PBRM1: variants seen among roughly 807,000 people sequenced by gnomAD.
PBRM1 encodes protein polybromo-1.
In PBRM1, 27 loss-of-function variants were observed where a neutral mutation model predicts 194.5. The ratio of observed to expected loss-of-function variants is 0.14; its 90% CI spans 0.10 to 0.19. The LOEUF (loss-of-function observed/expected upper bound fraction) is 0.19. Ranked by LOEUF, PBRM1 falls within the 10% of genes least tolerant of loss-of-function variation. PBRM1 has a pLI of 1.00. For missense variants in PBRM1, 1,466 were observed against 2,077.2 expected, an observed-to-expected ratio of 0.71 and a Z score of 5.72; for synonymous variants, 655 against 693.2, an observed-to-expected ratio of 0.94 and a Z score of 0.87.
At chr3:52,594,597 T>G (rs1217334817) in intron 17 of PBRM1, among the ~76,000 whole-genome samples, 1 of 152,224 alleles carries the variant, frequency 6.6e-6, no homozygotes, top group Non-Finnish European at 1.5e-5. Flanking sequence ...TCAAGGTCAG[T>G]ATTGATATGT....
At chr3:52,668,693 A>C (rs1217570974) in intron 2 of PBRM1, 48 bp from the exon 4 acceptor site, 1 of 1,193,438 alleles carries the variant, frequency 8.4e-7, no homozygotes, top group South Asian at 1.6e-5. Context: ...GAAGCTTACA[A>C]AAAGTTTTAT....
intron 22 of PBRM1, among the ~76,000 whole-genome samples, chr3:52,565,277 G>C (rs1224541456): frequency 6.6e-6 from 1 of 151,992 alleles, no homozygotes; most frequent in Non-Finnish European, 1.5e-5. Flanking sequence ...AGGCCGAGGA[G>C]GGTGGATCAC....
At chr3:52,588,371 A>C (rs2092659472) in intron 18 of PBRM1, among the ~76,000 whole-genome samples, 1 of 152,126 alleles carries the variant, frequency 6.6e-6, no homozygotes, top group Non-Finnish European at 1.5e-5. Context: ...ATGTCATTCT[A>C]TAATAATTTC....
intron 22 of PBRM1, among the ~76,000 whole-genome samples, chr3:52,568,708 C>T (rs140660319): frequency 3.9e-5 from 6 of 152,258 alleles, no homozygotes; most frequent in Admixed American, 1.3e-4. Context: ...GAGAAAAATA[C>T]TTCTTTCCCC....
intron 22 of PBRM1, among the ~76,000 whole-genome samples, chr3:52,574,650 G>A (rs754092790): frequency 6.6e-6 from 1 of 152,162 alleles, no homozygotes; most frequent in South Asian, 2.1e-4. Flanking sequence ...AAGGACCTAA[G>A]AAGGCCCTAA....
intron 7 of PBRM1, 40 bp from the exon 9 acceptor site, chr3:52,644,829 T>A (rs2096242489): frequency 1.0e-6 from 1 of 990,990 alleles, no homozygotes; most frequent in Non-Finnish European, 1.6e-6. Flanking sequence ...AAGGAACAGA[T>A]AAAAGGACAG....
intron 4 of PBRM1, among the ~76,000 whole-genome samples, chr3:52,660,701 T>C (rs528722337): frequency 1.3e-5 from 2 of 152,040 alleles, no homozygotes; most frequent in South Asian, 4.2e-4. Flanking sequence ...TTAGTAGAAA[T>C]GGGGTTTCAC....
chr3:52,681,791 A>C, upstream of PBRM1: 1 of 844,650 alleles, frequency 1.2e-6, no homozygotes, highest in South Asian at 5.6e-5. Flanking sequence ...GGGCTTTAGA[A>C]GTGCTGATTC....
intron 13 of PBRM1, among the ~76,000 whole-genome samples, chr3:52,625,200 A>C (rs564326342): frequency 6.6e-6 from 1 of 152,322 alleles, no homozygotes; most frequent in South Asian, 2.1e-4. Context: ...CATACACAGC[A>C]CTTAGAAGTC....
At position 52,587,345 on chromosome 3, in the gene PBRM1, T is replaced by C; in HGVS notation, c.3123+8A>G. 1.3e-6 allele frequency: 2 copies of C among 1,593,726 alleles called. No homozygotes were observed. The highest frequency in any genetic ancestry group is 1.7e-6 in the Non-Finnish European group (2 of 1,164,360). ...GAGTGAGACTTTGGGATTTAATGAG[T>C]TTCTTACCTTGACAAACATGACCAC... On this transcript the variant is annotated splice_region_variant and intron_variant, in intron 19 of 29. Transcript: ENST00000296302.
At chr3:52,550,885 A>G (rs2080812710) in intron 27 of PBRM1, 68 bp from the exon 30 acceptor site, 1 of 987,164 alleles carries the variant, frequency 1.0e-6, no homozygotes, top group South Asian at 1.4e-5. Context: ...CTACTGTCTG[A>G]TAAGAAATGA....
intron 4 of PBRM1, among the ~76,000 whole-genome samples, chr3:52,658,865 C>A (rs1036467992): frequency 6.6e-6 from 1 of 152,160 alleles, no homozygotes; most frequent in African/African-American, 2.4e-5. Flanking sequence ...TTCTACTGAA[C>A]CTTTTTCTAC....
intron 26 of PBRM1, among the ~76,000 whole-genome samples, chr3:52,555,535 G>C (rs1184269444): frequency 6.6e-6 from 1 of 152,132 alleles, no homozygotes; most frequent in Non-Finnish European, 1.5e-5. Context: ...ATGTGATAAA[G>C]ATAAAACCTA....
intron 7 of PBRM1, among the ~76,000 whole-genome samples, chr3:52,647,005 CATG>C (rs2096312183): frequency 6.6e-6 from 1 of 152,062 alleles, no homozygotes; most frequent in African/African-American, 2.4e-5. Flanking sequence ...AAACCATTTA[CATG>C]ATAAGGGTAT....
intron 2 of PBRM1, among the ~76,000 whole-genome samples, chr3:52,675,734 T>A (rs975133819): frequency 2.0e-5 from 3 of 152,098 alleles, no homozygotes; most frequent in Non-Finnish European, 2.9e-5. Flanking sequence ...GTCAAGCAAA[T>A]TTTGACAAAG....
At chr3:52,589,678 AAT>A (rs2092820540) in intron 17 of PBRM1, among the ~76,000 whole-genome samples, 1 of 152,194 alleles carries the variant, frequency 6.6e-6, no homozygotes, top group Non-Finnish European at 1.5e-5. Flanking sequence ...TTATTACACG[AAT>A]ATGACACATT....
In PBRM1 at chr3:52,609,192, G is replaced by T; in HGVS notation, c.2567+121C>A. Reference sequence around the variant, plus strand: ...TTCTGGCTGATTAGAATTCAGAATAGCATGCTACCAACTACAAATCATGTA... The same window carrying T: ...TTCTGGCTGATTAGAATTCAGAATATCATGCTACCAACTACAAATCATGTA... On this transcript the variant is annotated intron_variant, in intron 16 of 29. Coordinates refer to ENST00000296302, the Ensembl canonical transcript of PBRM1. This position sits in a 1 kb window ranked among gnomAD's most constrained non-coding sequence, Gnocchi z 4.1. The T allele has an allele frequency of 1.3e-6, 1 of 769,772 alleles. No individual in the cohort carries two copies. Among genetic ancestry groups the T allele is most frequent in the Non-Finnish European group, 2.1e-6 (1 of 480,700 alleles). 47.7% of individuals were successfully genotyped at this position (769,772 alleles called of 1,614,324 possible).
chr3:52,656,968 G>A (rs1477327071), intron 5 of PBRM1, among the ~76,000 whole-genome samples: 3 of 152,116 alleles, frequency 2.0e-5, no homozygotes, highest in African/African-American at 7.2e-5. Context: ...AATGCTATTC[G>A]GTTCTAAAAA....
chr3:52,577,066 T>G (rs2089831897), intron 21 of PBRM1, among the ~76,000 whole-genome samples: 1 of 152,182 alleles, frequency 6.6e-6, no homozygotes, highest in African/African-American at 2.4e-5. Flanking sequence ...ACATCAATAT[T>G]TGGGGTCAGA....
Sources: gnomAD v4.1 joint callset for allele counts (sites outside exome capture counted in the v4.1 genomes callset) on GRCh38, gnomAD v4.1.1 for gene constraint, Gnocchi (gnomAD v3.1) non-coding constraint, MANE v1.5 for transcripts, NCBI Gene and HGNC (gene_info 2026-07-23, HGNC 2026-07-21) for gene names.